The following VGLL4 variants were observed in gnomAD, a reference collection of about 807,000 sequenced individuals.
VGLL4 encodes transcription cofactor vestigial-like protein 4.
VGLL4 carries 7 observed loss-of-function variants against 21.0 expected under a neutral mutation model. The ratio of observed to expected loss-of-function variants is 0.33; its 90% CI spans 0.19 to 0.63. VGLL4 has a LOEUF of 0.63. Ranked by LOEUF, VGLL4 falls within the 20% of genes least tolerant of loss-of-function variation. The pLI is 0.78. For missense variants in VGLL4, 394 were observed against 425.7 expected, an observed-to-expected ratio of 0.93 and a Z score of 0.66; for synonymous variants, 222 against 173.2, an observed-to-expected ratio of 1.28 and a Z score of -2.21.
intron 2 of VGLL4, among the ~76,000 whole-genome samples, chr3:11,667,360 T>C (rs190759678): frequency 6.6e-6 from 1 of 152,344 alleles, no homozygotes; most frequent in African/African-American, 2.4e-5. Context: ...TGAACGTTCA[T>C]ACATGTTATC....
chr3:11,586,969 G>C (rs1017896412), intron 2 of VGLL4, among the ~76,000 whole-genome samples: 1 of 150,140 alleles, frequency 6.7e-6, no homozygotes, highest in African/African-American at 2.5e-5. Context: ...GCCCTGAATT[G>C]CACGAGACCT....
rs6799718 is a variant in VGLL4 at position 11,600,785 on chromosome 3, A to G, written c.272+1048T>C. Among the ~76,000 whole-genome samples the G allele has an allele frequency of 9.5e-3, 1,438 of 152,146 alleles. 14 individuals are homozygous for G. Among genetic ancestry groups the G allele is most frequent in the African/African-American group, 0.032 (1,341 of 41,498 alleles). ...ACAGGAAGGTATTCCTGTGGGGAAA[A>G]AGCAGTGCCCTCAGGAATTGGAGCA... On this transcript the variant is annotated intron_variant, in intron 2 of 4. Transcript: ENST00000430365.
Position 11,573,239 on chromosome 3 carries a change from G to T in VGLL4, c.273-8220C>A, listed in dbSNP as rs76133986. Among the ~76,000 whole-genome samples the T allele has an allele frequency of 2.2e-3, 159 of 71,082 alleles. 4 individuals carry two copies. The highest frequency in any genetic ancestry group is 2.8e-3 in the Admixed American group (15 of 5,288). 46.6% of individuals were successfully genotyped at this position (71,082 alleles called of 152,430 possible). ...GAGAGAAAGACAGACAGAAAGAAAA[G>T]AAATAGAGAAAGAAAGAAAGAAAGA... On this transcript the variant is annotated intron_variant, in intron 2 of 4. Coordinates refer to ENST00000430365, the MANE Select transcript of VGLL4 (RefSeq NM_001128219.3).
At chr3:11,573,327 GAAA>G (rs2073915748) in intron 2 of VGLL4, among the ~76,000 whole-genome samples, 9 of 39,478 alleles carry the variant, frequency 2.3e-4, no homozygotes, top group African/African-American at 3.9e-4. Context: ...AAGAAAGAAA[GAAA>G]GAAAGAAAGA....
chr3:11,692,219 C>T (rs905653664), intron 2 of VGLL4, among the ~76,000 whole-genome samples: 1 of 152,128 alleles, frequency 6.6e-6, no homozygotes, highest in Non-Finnish European at 1.5e-5. Context: ...ATTAACAAGG[C>T]ATGTTATTTT....
At chr3:11,667,815 A>G (rs1329621007) in intron 2 of VGLL4, among the ~76,000 whole-genome samples, 1 of 138,470 alleles carries the variant, frequency 7.2e-6, no homozygotes, top group African/African-American at 2.7e-5. Flanking sequence ...GACTCATTTC[A>G]TGAGGGTCTC....
chr3:11,569,780 C>G (rs2125158589), intron 2 of VGLL4, among the ~76,000 whole-genome samples: 1 of 152,306 alleles, frequency 6.6e-6, no homozygotes, highest in South Asian at 2.1e-4. Context: ...TACTTGGAGG[C>G]TGAAGTGGGA....
At chr3:11,709,161 G>C (rs1243243329) in intron 1 of VGLL4, among the ~76,000 whole-genome samples, 1 of 152,110 alleles carries the variant, frequency 6.6e-6, no homozygotes, top group Non-Finnish European at 1.5e-5. Flanking sequence ...CAGAGGGCCA[G>C]GTGCAGTGGC....
At chr3:11,590,601 T>C (rs1459189232) in intron 2 of VGLL4, among the ~76,000 whole-genome samples, 1 of 152,076 alleles carries the variant, frequency 6.6e-6, no homozygotes, top group South Asian at 2.1e-4. Flanking sequence ...AGAACATTAC[T>C]GCAACATTAA....
chr3:11,614,495 C>A lies in VGLL4; in HGVS notation c.83-12473G>T, dbSNP rs2075123865. Among the ~76,000 whole-genome samples, 4 of 152,286 alleles carry A rather than the reference C, an allele frequency of 2.6e-5. No individual in the cohort carries two copies. In the South Asian group the frequency reaches 8.3e-4, roughly 32 times the overall value. On this transcript the variant is annotated intron_variant, in intron 1 of 4. Transcript: ENST00000430365. ...GTGCTGAAGGAAGGCTGTGTATAGG[C>A]CCCCCGATTCTGATCGTGAAATCTC...
At chr3:11,592,981 T>G (rs1006077177) in intron 2 of VGLL4, among the ~76,000 whole-genome samples, 1 of 152,224 alleles carries the variant, frequency 6.6e-6, no homozygotes, top group African/African-American at 2.4e-5. Context: ...TTCTCCATGA[T>G]GAAAAGTTCA....
intron 2 of VGLL4, among the ~76,000 whole-genome samples, chr3:11,679,614 C>T (rs999573885): frequency 6.6e-6 from 1 of 151,864 alleles, no homozygotes; most frequent in Admixed American, 6.6e-5. Flanking sequence ...ACCTGGGAGG[C>T]GGAGCTTGCA....
At chr3:11,574,307 C>T (rs888868945) in intron 2 of VGLL4, among the ~76,000 whole-genome samples, 1 of 152,184 alleles carries the variant, frequency 6.6e-6, no homozygotes, top group Admixed American at 6.5e-5. Flanking sequence ...TTTAAAGCTT[C>T]CTCTGGACAT....
chr3:11,625,116 G>T (rs1417449456), intron 1 of VGLL4, among the ~76,000 whole-genome samples: 1 of 152,176 alleles, frequency 6.6e-6, no homozygotes, highest in Non-Finnish European at 1.5e-5. Flanking sequence ...ACTTCTAAAG[G>T]TTTCTCTCTC....
Position 11,643,241 on chromosome 3 carries a change from C to A in VGLL4, c.82+196G>T, listed in dbSNP as rs558580596. ...GGTTTCTACTTCACTGCCTCCCCGT[C>A]CAGCCCCCTCCACCGCCCCCCGCAG... is the stretch of plus-strand genomic sequence containing the variant. On this transcript the variant is annotated intron_variant, in intron 1 of 4. Coordinates refer to ENST00000430365, the MANE Select transcript of VGLL4 (RefSeq NM_001128219.3). Among the ~76,000 whole-genome samples, 5 of 152,252 alleles carry A rather than the reference C, an allele frequency of 3.3e-5. No homozygotes were observed. The East Asian group carries it at 7.7e-4, about 24-fold the overall frequency.
chr3:11,650,089 G>T (rs748411448), intron 2 of VGLL4, among the ~76,000 whole-genome samples: 1 of 152,040 alleles, frequency 6.6e-6, no homozygotes, highest in Non-Finnish European at 1.5e-5. Flanking sequence ...ACCGTGTCTG[G>T]CTAACTTTTT....
intron 1 of VGLL4, among the ~76,000 whole-genome samples, chr3:11,643,026 T>C (rs1465772794): frequency 3.9e-5 from 6 of 152,190 alleles, no homozygotes; most frequent in Non-Finnish European, 5.9e-5. Context: ...CAGGGCGCCG[T>C]GGCCCACAGC....
In VGLL4 at chr3:11,568,775, C is replaced by T. The variant is rs550362247; in HGVS notation, c.273-3756G>A. 3 of 1,491,880 alleles carry T rather than the reference C, an allele frequency of 2.0e-6. No individual in the cohort carries two copies. The South Asian group carries it at 4.0e-5, about 20-fold the overall frequency. 92.4% of individuals were successfully genotyped at this position (1,491,880 alleles called of 1,614,324 possible). On this transcript the variant is annotated intron_variant, in intron 2 of 4. Coordinates refer to ENST00000430365, the MANE Select transcript of VGLL4 (RefSeq NM_001128219.3). This position sits in a 1 kb window ranked among gnomAD's most constrained non-coding sequence, Gnocchi z 5.9. The stretch of plus-strand genomic sequence containing the variant: ...CCGGGAGATGGAAGTCGCCTCCGCT[C>T]CTGGTCAGGACTGTGCCCGAGAGAG...
chr3:11,600,360 A>G (rs1414464171), intron 2 of VGLL4, among the ~76,000 whole-genome samples: 1 of 134,112 alleles, frequency 7.5e-6, no homozygotes, highest in Non-Finnish European at 1.5e-5. Context: ...CTTACTTATG[A>G]AAAGAAAAAG....
Sources: gnomAD v4.1 joint callset for allele counts (sites outside exome capture counted in the v4.1 genomes callset) on GRCh38, gnomAD v4.1.1 for gene constraint, Gnocchi (gnomAD v3.1) non-coding constraint, MANE v1.5 for transcripts, NCBI Gene and HGNC (gene_info 2026-07-23, HGNC 2026-07-21) for gene names.